Variants in PCED1B observed in about 807,000 individuals in gnomAD.
PCED1B encodes the protein PC-esterase domain containing 1B, also known as PC-esterase domain-containing protein 1B.
For synonymous variants in PCED1B, 251 were observed against 246.1 expected, an observed-to-expected ratio of 1.02 and a Z score of -0.19; for missense variants, 573 against 573.9, an observed-to-expected ratio of 1.00 and a Z score of 0.02.
intron 3 of PCED1B, chr12:47,224,036 T>G (rs1467050090): frequency 6.6e-6 from 1 of 152,170 alleles, no homozygotes; most frequent in Admixed American, 6.5e-5. Context: ...ATCACCACCT[T>G]CTGGTATCTT....
intron 1 of PCED1B, among the ~76,000 whole-genome samples, chr12:47,089,474 A>G (rs1398762004): frequency 1.5e-4 from 17 of 114,970 alleles, no homozygotes; most frequent in Non-Finnish European, 2.6e-4. Flanking sequence ...ATATATATAT[A>G]TATATATATA....
chr12:47,178,969 A>G (rs1275031898), intron 2 of PCED1B, among the ~76,000 whole-genome samples: 1 of 152,142 alleles, frequency 6.6e-6, no homozygotes, highest in Non-Finnish European at 1.5e-5. Flanking sequence ...ATAAAAATGC[A>G]TTACTATTGT....
In PCED1B at chr12:47,164,359, A is replaced by G. The variant is rs138009287; in HGVS notation, c.-525-51863A>G. On this transcript the variant is annotated intron_variant, in intron 2 of 3. Transcript: ENST00000546455. The stretch of plus-strand genomic sequence containing the variant: ...CATTCCCACTCCAAAAGGGAAAAAT[A>G]GGCCAAGAGAAGGGAAGAACAGGCC... Among the ~76,000 whole-genome samples the G allele has an allele frequency of 2.3e-3, 352 of 152,360 alleles. 2 individuals carry two copies. The highest frequency in any genetic ancestry group is 0.014 in the Middle Eastern group (4 of 294).
chr12:47,199,423 A>T (rs1942700321), intron 2 of PCED1B, among the ~76,000 whole-genome samples: 1 of 152,202 alleles, frequency 6.6e-6, no homozygotes, highest in South Asian at 2.1e-4. Flanking sequence ...AATGCAAAAG[A>T]CCCAGAATAG....
rs555842586 is a variant in PCED1B at position 47,234,193 on chromosome 12, G to C, written c.-57-814G>C. Among the ~76,000 whole-genome samples, 28 of 152,212 alleles carry C rather than the reference G, an allele frequency of 1.8e-4. No individual in the cohort carries two copies. The South Asian group carries it at 5.8e-3, about 32-fold the overall frequency. On this transcript the variant is annotated intron_variant, in intron 3 of 3. Coordinates refer to ENST00000546455, the MANE Select transcript of PCED1B (RefSeq NM_138371.3). The stretch of plus-strand genomic sequence containing the variant: ...AGTAGAGACGGGGTTTCTCCGTGTT[G>C]GTCAGGCTGGTCTCGGACTCCCGAC...
chr12:47,232,562 C>T (rs1326182638), intron 3 of PCED1B, among the ~76,000 whole-genome samples: 2 of 152,246 alleles, frequency 1.3e-5, no homozygotes, highest in Non-Finnish European at 2.9e-5. Flanking sequence ...AAATTTCAAG[C>T]CGCACCGGAT....
chr12:47,080,393 G>C (rs1287817647), intron 1 of PCED1B, among the ~76,000 whole-genome samples: 1 of 152,182 alleles, frequency 6.6e-6, no homozygotes, highest in African/African-American at 2.4e-5. Flanking sequence ...TTTGCTTTGG[G>C]GCAAGGGCCA....
At chr12:47,232,544 A>G (rs1378254412) in intron 3 of PCED1B, among the ~76,000 whole-genome samples, 1 of 152,180 alleles carries the variant, frequency 6.6e-6, no homozygotes, top group Non-Finnish European at 1.5e-5. Flanking sequence ...TAATGCGTAA[A>G]ATCTTACAAA....
intron 2 of PCED1B, among the ~76,000 whole-genome samples, chr12:47,191,175 T>C (rs1460929228): frequency 2.0e-5 from 3 of 152,258 alleles, no homozygotes; most frequent in African/African-American, 7.2e-5. Context: ...CTTGGTGACA[T>C]CACCTTCCCA....
chr12:47,133,368 C>A (rs57845861), intron 2 of PCED1B, among the ~76,000 whole-genome samples: 34,597 of 152,028 alleles, frequency 0.23, 7,350 homozygotes, highest in African/African-American at 0.56. Flanking sequence ...CATCCCTTGT[C>A]CAGGGCCCTG....
intron 2 of PCED1B, among the ~76,000 whole-genome samples, chr12:47,127,556 G>GGGTC (rs1324156422): frequency 6.6e-6 from 1 of 151,552 alleles, no homozygotes; most frequent in Non-Finnish European, 1.5e-5. Context: ...AGTAGAAACA[G>GGGTC]GGTCTCACCG....
At chr12:47,210,209 T>C (rs549704540) in intron 2 of PCED1B, 2 of 152,260 alleles carry the variant, frequency 1.3e-5, no homozygotes, top group Non-Finnish European at 2.9e-5. Flanking sequence ...ATTTTTGTCA[T>C]GTATTTTAAA....
chr12:47,112,634 A>G (rs562085575), intron 2 of PCED1B, among the ~76,000 whole-genome samples: 2 of 152,342 alleles, frequency 1.3e-5, no homozygotes, highest in South Asian at 4.1e-4. Context: ...TGTCGTAAAA[A>G]GCTACTTCCA....
intron 2 of PCED1B, among the ~76,000 whole-genome samples, chr12:47,177,891 G>A (rs1817131654): frequency 6.6e-6 from 1 of 152,186 alleles, no homozygotes; most frequent in South Asian, 2.1e-4. Context: ...AGGTTGCGGT[G>A]AGCCGAGATC....
chr12:47,130,811 T>A (rs1048356883), intron 2 of PCED1B, among the ~76,000 whole-genome samples: 6 of 152,230 alleles, frequency 3.9e-5, no homozygotes, highest in Non-Finnish European at 8.8e-5. Flanking sequence ...GATCAGATTA[T>A]ACATTCTTAA....
In PCED1B at chr12:47,236,224, C is replaced by A. The variant is rs1943981518; in HGVS notation, c.1161C>A (p.Pro387=). 6.2e-7 allele frequency: 1 copy of A among 1,614,074 alleles called. No individual in the cohort carries two copies. Among genetic ancestry groups the A allele is most frequent in the Non-Finnish European group, 8.5e-7 (1 of 1,180,038 alleles). The stretch of plus-strand genomic sequence containing the variant: ...TGCCTATGCCCTTCTTCCCCACACC[C>A]CGTTATCAGCGGCCTGCCCCAGTGG... ...PQLPMPFFPT[P]RYQRPAPVVH... Residue 387 remains proline, a synonymous_variant, in exon 4 of 4, where the codon CCC becomes CCA. Transcript: ENST00000546455.
chr12:47,226,297 C>T (rs1245599728), intron 3 of PCED1B, among the ~76,000 whole-genome samples: 4 of 152,206 alleles, frequency 2.6e-5, no homozygotes, highest in Non-Finnish European at 5.9e-5. Flanking sequence ...GTCTCAGGTA[C>T]TTAATTTACA....
intron 2 of PCED1B, among the ~76,000 whole-genome samples, chr12:47,145,868 C>T (rs950497832): frequency 1.3e-5 from 2 of 152,226 alleles, no homozygotes; most frequent in Admixed American, 6.5e-5. Flanking sequence ...ATTCATTCTG[C>T]AGCCCATGGA....
chr12:47,233,353 G>C (rs549734982), intron 3 of PCED1B, among the ~76,000 whole-genome samples: 110 of 152,124 alleles, frequency 7.2e-4, no homozygotes, highest in African/African-American at 2.2e-3. Flanking sequence ...GTGGTAGCCA[G>C]AAAGGTCTCG....
Sources: gnomAD v4.1 joint callset for allele counts (sites outside exome capture counted in the v4.1 genomes callset) on GRCh38, gnomAD v4.1.1 for gene constraint, MANE v1.5 for transcripts, NCBI Gene and HGNC (gene_info 2026-07-23, HGNC 2026-07-21) for gene names.